The following NOS1AP variants were observed in gnomAD, a reference collection of about 807,000 sequenced individuals.
NOS1AP encodes carboxyl-terminal PDZ ligand of neuronal nitric oxide synthase protein.
A neutral mutation model predicts 56.2 loss-of-function variants in NOS1AP; 21 were observed. The ratio of observed to expected loss-of-function variants is 0.37; its 90% CI spans 0.26 to 0.54. The LOEUF (loss-of-function observed/expected upper bound fraction) is 0.54, where lower values mean the gene tolerates loss of function less well. Ranked by LOEUF, NOS1AP falls within the 20% of genes least tolerant of loss-of-function variation. The pLI is 0.84. For synonymous variants in NOS1AP, 270 were observed against 274.6 expected (o/e 0.98, Z 0.17); for missense variants, 522 against 657.8 (o/e 0.79, Z 2.26).
chr1:162,325,804 T>C (rs1256002524), intron 4 of NOS1AP, among the ~76,000 whole-genome samples: 7 of 152,186 alleles, frequency 4.6e-5, no homozygotes, highest in Non-Finnish European at 7.4e-5. Flanking sequence ...CTGGTTTCAT[T>C]TCGCTCTGTG....
intron 4 of NOS1AP, among the ~76,000 whole-genome samples, chr1:162,327,918 C>T (rs1656645954): frequency 6.6e-6 from 1 of 152,154 alleles, no homozygotes; most frequent in Non-Finnish European, 1.5e-5. Flanking sequence ...ATGTGTTGGG[C>T]ATTGTGTAAA....
intron 8 of NOS1AP, 130 bp downstream of exon 8, chr1:162,357,266 T>C (rs1162137334): frequency 2.0e-6 from 3 of 1,490,750 alleles, no homozygotes; most frequent in African/African-American, 1.4e-5. Context: ...TATTGGATCA[T>C]TGCTTGTTGG....
intron 1 of NOS1AP, among the ~76,000 whole-genome samples, chr1:162,128,505 GAAAT>G (rs765586029): frequency 2.0e-4 from 31 of 151,988 alleles, no homozygotes; most frequent in Non-Finnish European, 3.1e-4. Flanking sequence ...ATGCCAGAAT[GAAAT>G]AAATATTCAA....
At chr1:162,074,162 C>T (rs1266459778) in intron 1 of NOS1AP, among the ~76,000 whole-genome samples, 2 of 151,876 alleles carry the variant, frequency 1.3e-5, no homozygotes, top group African/African-American at 4.8e-5. Context: ...TTTTTCAGAC[C>T]AAAAAATGGA....
At chr1:162,298,147 C>T (rs1157400045) in intron 3 of NOS1AP, among the ~76,000 whole-genome samples, 2 of 152,218 alleles carry the variant, frequency 1.3e-5, no homozygotes, top group African/African-American at 4.8e-5. Context: ...GTGGCTGAGC[C>T]GGAGCCCAGG....
intron 1 of NOS1AP, among the ~76,000 whole-genome samples, chr1:162,117,763 G>A (rs1648027047): frequency 6.6e-6 from 1 of 152,214 alleles, no homozygotes; most frequent in South Asian, 2.1e-4. Flanking sequence ...AGTTGGGGCT[G>A]TACCCTTCCA....
chr1:162,199,005 AC>A (rs1480718090), intron 2 of NOS1AP, among the ~76,000 whole-genome samples: 2 of 152,176 alleles, frequency 1.3e-5, no homozygotes, highest in Non-Finnish European at 2.9e-5. Flanking sequence ...TAACCACTCA[AC>A]TAATATGGGT....
intron 1 of NOS1AP, among the ~76,000 whole-genome samples, chr1:162,073,647 A>G (rs1425625263): frequency 6.6e-6 from 1 of 152,124 alleles, no homozygotes; most frequent in Non-Finnish European, 1.5e-5. Flanking sequence ...TTTTGTAGAG[A>G]TGGGGCTTTC....
intron 2 of NOS1AP, among the ~76,000 whole-genome samples, chr1:162,281,226 C>T (rs1654915356): frequency 1.3e-5 from 2 of 152,122 alleles, no homozygotes; most frequent in Admixed American, 6.5e-5. Flanking sequence ...TTCTTAAAGT[C>T]CTTGCACTTC....
chr1:162,101,676 C>T (rs1388792995), intron 1 of NOS1AP, among the ~76,000 whole-genome samples: 1 of 152,038 alleles, frequency 6.6e-6, no homozygotes, highest in African/African-American at 2.4e-5. Context: ...AGCTATATTC[C>T]TAGGTATTTT....
intron 3 of NOS1AP, among the ~76,000 whole-genome samples, chr1:162,294,792 C>G (rs1418683284): frequency 1.3e-5 from 2 of 152,140 alleles, no homozygotes; most frequent in African/African-American, 4.8e-5. Context: ...TTACACATAT[C>G]CACATATAGA....
At chr1:162,292,480 C>T (rs1271048351) in intron 3 of NOS1AP, among the ~76,000 whole-genome samples, 1 of 152,214 alleles carries the variant, frequency 6.6e-6, no homozygotes, top group African/African-American at 2.4e-5. Context: ...CACAACTGTC[C>T]TATTAGGTAG....
chr1:162,094,857 C>T (rs575020032), intron 1 of NOS1AP, among the ~76,000 whole-genome samples: 1 of 152,296 alleles, frequency 6.6e-6, no homozygotes, highest in East Asian at 1.9e-4. Flanking sequence ...TCCATTCCAG[C>T]TCTAATTCCA....
At chr1:162,127,085 T>C (rs1648520222) in intron 1 of NOS1AP, among the ~76,000 whole-genome samples, 1 of 152,172 alleles carries the variant, frequency 6.6e-6, no homozygotes, top group African/African-American at 2.4e-5. Flanking sequence ...TTTCAGTAAA[T>C]CATCTGCTTA....
chr1:162,188,352 GT>G lies in NOS1AP; in HGVS notation c.177+33878del, dbSNP rs1231545212. Among the ~76,000 whole-genome samples, 1 of 152,148 alleles carries G rather than the reference GT, an allele frequency of 6.6e-6. No homozygotes were observed. Among genetic ancestry groups the G allele is most frequent in the Non-Finnish European group, 1.5e-5 (1 of 68,030 alleles). On this transcript the variant is annotated intron_variant, in intron 2 of 9. Coordinates refer to ENST00000361897, the MANE Select transcript of NOS1AP (RefSeq NM_014697.3). This position sits in a 1 kb window ranked among gnomAD's most constrained non-coding sequence, Gnocchi z 4.0. ...TGAGATAATTCTTCTCTATATTTCT[GT>G]TGCTGGAATTGGGCTCACACACTGT...
chr1:162,294,680 GAGAC>G (rs1438760883), intron 3 of NOS1AP, among the ~76,000 whole-genome samples: 2 of 152,208 alleles, frequency 1.3e-5, no homozygotes, highest in African/African-American at 4.8e-5. Flanking sequence ...CACAGAGAGA[GAGAC>G]AGGTTAATAA....
intron 4 of NOS1AP, among the ~76,000 whole-genome samples, chr1:162,307,585 C>T (rs1337201017): frequency 3.9e-5 from 6 of 152,088 alleles, no homozygotes; most frequent in African/African-American, 7.2e-5. Context: ...AGGCGGATCA[C>T]GAGGTCAGGA....
intron 2 of NOS1AP, among the ~76,000 whole-genome samples, chr1:162,240,916 A>G (rs1245275531): frequency 6.6e-6 from 1 of 152,178 alleles, no homozygotes; most frequent in East Asian, 1.9e-4. Context: ...GATAAATGCC[A>G]TGAGTGCACA....
At chr1:162,365,699 C>A in intron 9 of NOS1AP, 130 bp downstream of exon 9, 2 of 1,173,840 alleles carry the variant, frequency 1.7e-6, no homozygotes, top group Non-Finnish European at 2.4e-6. Context: ...AAAACATAGG[C>A]AGCTTTGTTT....
Sources: allele counts gnomAD v4.1 joint callset (sites outside exome capture counted in the v4.1 genomes callset), GRCh38; gene constraint gnomAD v4.1.1; non-coding constraint Gnocchi (gnomAD v3.1); transcripts MANE v1.5; gene names NCBI Gene and HGNC (gene_info 2026-07-23, HGNC 2026-07-21).